NMUR1: variants seen among roughly 807,000 people sequenced by gnomAD.
NMUR1 encodes neuromedin U receptor 1.
NMUR1 carries 16 observed loss-of-function variants against 18.8 expected under a neutral mutation model. That is an observed-to-expected ratio of 0.85 (90% CI 0.58 to 1.29). NMUR1 has a LOEUF of 1.29. Ranked by LOEUF, NMUR1 falls within the 50% of genes most tolerant of loss-of-function variation. NMUR1 has a pLI of 0.00. For synonymous variants in NMUR1, 258 were observed against 258.2 expected (o/e 1.00, Z 0.01); for missense variants, 529 against 580.3 (o/e 0.91, Z 0.91).
Position 231,528,697 on chromosome 2 carries a change from C to T in NMUR1, c.324G>A (p.Leu108=), listed in dbSNP as rs772440420. 8.7e-6 allele frequency: 14 copies of T among 1,614,118 alleles called. No individual in the cohort carries two copies. In the Admixed American group the frequency reaches 1.7e-4, roughly 19 times the overall value. ...YLFSLAVSDL[L]VLLVGLPLEL... ...CCAGGGGCAGGCCCACCAGCAGCAC[C>T]AGCAGGTCCGACACGGCCAGGCTGA... The change falls in exon 2 of 3, where the codon CTG becomes CTA. Residue 108 remains leucine (L), a synonymous_variant. Coordinates refer to ENST00000305141, the MANE Select transcript of NMUR1 (RefSeq NM_006056.5).
rs145155210 is a variant in NMUR1, at chr2:231,529,100, A to G, written c.4-83T>C. 14 of 1,318,712 alleles carry G rather than the reference A, an allele frequency of 1.1e-5. No homozygotes were observed. The African/African-American group carries it at 1.9e-4, about 18-fold the overall frequency. The allele number at this position is 1,318,712 out of a possible 1,614,324, so 81.7% of individuals were successfully genotyped here. On this transcript the variant is annotated intron_variant, in intron 1 of 2. Transcript: ENST00000305141. ...CCTCACTCATCAAGCCAAAGGTGAC[A>G]TTAGCGCTATGATGACCATTATTTT...
downstream of NMUR1, among the ~76,000 whole-genome samples, chr2:231,519,573 C>A (rs868656345): frequency 1.3e-5 from 2 of 152,196 alleles, no homozygotes; most frequent in African/African-American, 2.4e-5. Flanking sequence ...GCAGATTGTA[C>A]ATTCTTTCTT....
intron 2 of NMUR1, 150 bp downstream of exon 2, chr2:231,527,973 G>GACACACACACACACTCAGACACACAC: frequency 2.0e-6 from 1 of 499,538 alleles, no homozygotes; most frequent in Non-Finnish European, 3.3e-6. Flanking sequence ...GTGCAACTCA[G>GACACACACACACACTCAGACACACAC]ACACACACAC....
At chr2:231,527,226 A>C (rs2047365036) in intron 2 of NMUR1, among the ~76,000 whole-genome samples, 1 of 152,188 alleles carries the variant, frequency 6.6e-6, no homozygotes, top group African/African-American at 2.4e-5. Flanking sequence ...GCCCATCAGA[A>C]TCCTTCTTGG....
At chr2:231,519,360 G>A (rs554691634), downstream of NMUR1, among the ~76,000 whole-genome samples, 136 of 152,302 alleles carry the variant, frequency 8.9e-4, no homozygotes, top group Non-Finnish European at 1.1e-3. Context: ...ATCCTGCCCA[G>A]TCCCCAGTTT....
downstream of NMUR1, among the ~76,000 whole-genome samples, chr2:231,520,716 G>A (rs1328971517): frequency 6.6e-6 from 1 of 152,150 alleles, no homozygotes; most frequent in Admixed American, 6.6e-5. Context: ...GGGAAGACTT[G>A]GAGAAGTGTA....
At position 231,528,608 on chromosome 2, in the gene NMUR1, G is replaced by C. The variant is rs753324849; in HGVS notation, c.413C>G (p.Thr138Arg). 1 of 1,614,194 alleles carries C rather than the reference G, an allele frequency of 6.2e-7. No homozygotes were observed. The highest frequency in any genetic ancestry group is 1.1e-5 in the South Asian group (1 of 91,088). The change falls in exon 2 of 3, where the codon ACG becomes AGG. Residue 138 changes from threonine (T) to arginine (R), a missense_variant. Physicochemically the swap from Thr to Arg is moderately conservative, Grantham distance 71. Coordinates refer to ENST00000305141, the MANE Select transcript of NMUR1 (RefSeq NM_006056.5). Reference sequence around the variant, plus strand: ...CAGGCAGACCATCTCAAACAGTAGCGTGCGGAAATAGCAGCCACCAACGCC... The same window carrying C: ...CAGGCAGACCATCTCAAACAGTAGCCTGCGGAAATAGCAGCCACCAACGCC... ...LLGVGGCYFR[T>R]LLFEMVCLAS...
intron 1 of NMUR1, among the ~76,000 whole-genome samples, 165 bp from the exon 2 acceptor site, chr2:231,529,182 A>G (rs1312414105): frequency 6.6e-6 from 1 of 152,126 alleles, no homozygotes; most frequent in African/African-American, 2.4e-5. Flanking sequence ...TGTAAAAATA[A>G]GCTTGGTGCA....
chr2:231,528,742 C>A lies in NMUR1; in HGVS notation c.279G>T (p.Thr93=). The A allele has an allele frequency of 6.2e-7, 1 of 1,614,228 alleles. No individual in the cohort carries two copies. Among genetic ancestry groups the A allele is most frequent in the East Asian group, 2.2e-5 (1 of 44,888 alleles). The change falls in exon 2 of 3, where the codon ACG becomes ACT. Residue 93 remains threonine (T), a synonymous_variant. Coordinates refer to ENST00000305141, the MANE Select transcript of NMUR1 (RefSeq NM_006056.5). ...GGCTGAAGAGGTAGTAGTTGGTAGG[C>A]GTGCGCATGGCCTTGTGGCGCAGGA... ...LVILRHKAMR[T]PTNYYLFSLA...
chr2:231,530,190 C>G (rs1239518192), intron 1 of NMUR1, among the ~76,000 whole-genome samples, 169 bp downstream of exon 1: 1 of 152,234 alleles, frequency 6.6e-6, no homozygotes, highest in Admixed American at 6.5e-5. Flanking sequence ...CCCGGCGCCC[C>G]TGGCCGGAAG....
At position 231,528,650 on chromosome 2, in the gene NMUR1, T is replaced by C; in HGVS notation, c.371A>G (p.Asn124Ser). ...ACCAACGCCCAGCAGGAAGGGGTAG[T>C]TGTGCCACATCTCATAGAGCTCCAG... ...LPLELYEMWHNYPFLLGVGGC... is the reference protein window; with the variant it reads ...LPLELYEMWHSYPFLLGVGGC... The change falls in exon 2 of 3, where the codon AAC (asparagine) becomes AGC (serine). Residue 124 changes from asparagine to serine, a missense_variant. By Grantham distance (46) the Asn-to-Ser change is conservative. Transcript: ENST00000305141. 6.2e-7 allele frequency: 1 copy of C among 1,614,212 alleles called. No individual in the cohort carries two copies. Among genetic ancestry groups the C allele is most frequent in the Non-Finnish European group, 8.5e-7 (1 of 1,180,038 alleles).
At chr2:231,525,699 C>T (rs569380066) in intron 2 of NMUR1, among the ~76,000 whole-genome samples, 8 of 152,216 alleles carry the variant, frequency 5.3e-5, no homozygotes, top group South Asian at 2.1e-4. Context: ...TAAGCCCAGC[C>T]GGCCCAATCA....
downstream of NMUR1, among the ~76,000 whole-genome samples, chr2:231,521,334 C>T (rs1369689812): frequency 1.3e-5 from 2 of 152,170 alleles, no homozygotes. Context: ...ATGTTTGTGC[C>T]ACTGCACTCC....
chr2:231,528,369 C>G lies in NMUR1; in HGVS notation c.652G>C (p.Val218Leu). ...GCCCGTGGGCGGACCAGCATGCAAA[C>G]AGCTGAGTCTGGCACTGGGCCCCGG... ...PCRGPVPDSAVCMLVRPRALY... is the reference protein window; with the variant it reads ...PCRGPVPDSALCMLVRPRALY... The change falls in exon 2 of 3, where the codon GTT becomes CTT. Residue 218 changes from valine (V) to leucine (L), a missense_variant. Coordinates refer to ENST00000305141, the MANE Select transcript of NMUR1 (RefSeq NM_006056.5). The G allele has an allele frequency of 6.2e-7, 1 of 1,613,796 alleles. No homozygotes were observed. The highest frequency in any genetic ancestry group is 2.2e-5 in the East Asian group (1 of 44,892).
chr2:231,523,215 T>A lies in NMUR1; in HGVS notation c.*1828A>T. ...AGAGTAAAGTTATGGGTGGTTTTAA[T>A]TTTTTCTTTCCTTTAGATTTAATCC... On this transcript the variant is annotated 3_prime_UTR_variant, in exon 3 of 3. Transcript: ENST00000305141. 5.6e-6 allele frequency: 2 copies of A among 359,220 alleles called. No individual in the cohort carries two copies. The highest frequency in any genetic ancestry group is 1.0e-5 in the Non-Finnish European group (2 of 198,204). The allele number at this position is 359,220 out of a possible 1,614,324, so 22.3% of individuals were successfully genotyped here. A position where few individuals can be genotyped will look rare whatever the true frequency, so the allele number is the denominator to read the frequency against.
chr2:231,526,041 G>C (rs1220969758), intron 2 of NMUR1, among the ~76,000 whole-genome samples: 5 of 152,042 alleles, frequency 3.3e-5, no homozygotes, highest in African/African-American at 1.2e-4. Flanking sequence ...AGGCCCATCT[G>C]AATGTCTTGC....
chr2:231,527,790 C>G (rs907538801), intron 2 of NMUR1, among the ~76,000 whole-genome samples: 1 of 152,168 alleles, frequency 6.6e-6, no homozygotes, highest in Non-Finnish European at 1.5e-5. Flanking sequence ...GGGTCCTGGG[C>G]TTGGTTTAAT....
At chr2:231,522,867 A>G (rs976301411), downstream of NMUR1, among the ~76,000 whole-genome samples, 1 of 152,160 alleles carries the variant, frequency 6.6e-6, no homozygotes. Context: ...TGCTTCTCCC[A>G]GAACTTGTCC....
In NMUR1 at chr2:231,524,858, T is replaced by C; in HGVS notation, c.*185A>G. On this transcript the variant is annotated 3_prime_UTR_variant, in exon 3 of 3. Coordinates refer to ENST00000305141, the MANE Select transcript of NMUR1 (RefSeq NM_006056.5). The stretch of plus-strand genomic sequence containing the variant: ...AGGTGTGGCGTCTGGTCAGTGTGAG[T>C]CCTCAGCAGTCAGGGATCCCTCCTC... 1 of 677,764 alleles carries C rather than the reference T, an allele frequency of 1.5e-6. No individual in the cohort carries two copies. The highest frequency in any genetic ancestry group is 2.9e-5 in the East Asian group (1 of 34,916). The allele number at this position is 677,764 out of a possible 1,614,324, so 42.0% of individuals were successfully genotyped here. A position where few individuals can be genotyped will look rare whatever the true frequency, so the allele number is the denominator to read the frequency against.
Sources: gnomAD v4.1 joint callset for allele counts (sites outside exome capture counted in the v4.1 genomes callset) on GRCh38, gnomAD v4.1.1 for gene constraint, MANE v1.5 for transcripts, NCBI Gene and HGNC (gene_info 2026-07-23, HGNC 2026-07-21) for gene names.